Variants in SCOC observed in about 807,000 individuals in gnomAD.
SCOC encodes the protein short coiled coil protein.
A neutral mutation model predicts 9.9 loss-of-function variants in SCOC; 7 were observed. The observed-to-expected ratio is 0.71, with a 90% CI of 0.40 to 1.33. The LOEUF (loss-of-function observed/expected upper bound fraction) is 1.33, where lower values mean the gene tolerates loss of function less well. Among genes scored for constraint, SCOC ranks in the 40% most tolerant of loss-of-function variants. SCOC has a pLI of 0.01. For missense variants in SCOC, 66 were observed against 89.7 expected (o/e 0.74, Z 1.07); for synonymous variants, 19 against 28.2 (o/e 0.67, Z 1.03).
rs1445463128 is a variant in SCOC at position 140,383,967 on chromosome 4, T to C, written c.*2863T>C. 6.6e-6 allele frequency: 1 copy of C among 152,212 alleles called. No homozygotes were observed. Among genetic ancestry groups the C allele is most frequent in the African/African-American group, 2.4e-5 (1 of 41,450 alleles). The allele number at this position is 152,212 out of a possible 1,614,324, so 9.4% of individuals were successfully genotyped here. On this transcript the variant is annotated 3_prime_UTR_variant, in exon 4 of 4. Coordinates refer to ENST00000608372, the MANE Select transcript of SCOC (RefSeq NM_001153484.2). ...CACTGCAAAGCTGGGTTCCTTTGGC[T>C]TAACGATTGGTAGAGAAGTCTTCAT...
chr4:140,302,951 T>A (rs547934334), intron 1 of SCOC, among the ~76,000 whole-genome samples: 39 of 149,600 alleles, frequency 2.6e-4, no homozygotes, highest in African/African-American at 8.5e-4. Flanking sequence ...TTAGCTCAAT[T>A]TTATGTTTGA....
intron 1 of SCOC, among the ~76,000 whole-genome samples, chr4:140,333,122 T>C (rs1310096559): frequency 6.6e-6 from 1 of 152,192 alleles, no homozygotes; most frequent in African/African-American, 2.4e-5. Flanking sequence ...TCTTTGCACT[T>C]GCTGATCTTT....
chr4:140,306,180 G>T (rs1190843807), intron 1 of SCOC, among the ~76,000 whole-genome samples: 1 of 152,114 alleles, frequency 6.6e-6, no homozygotes, highest in Non-Finnish European at 1.5e-5. Flanking sequence ...TCATAGTCAC[G>T]TCTTTCATGG....
At chr4:140,315,985 G>A (rs548206506) in intron 1 of SCOC, among the ~76,000 whole-genome samples, 2 of 152,200 alleles carry the variant, frequency 1.3e-5, no homozygotes, top group Non-Finnish European at 2.9e-5. Flanking sequence ...CCATCACCAG[G>A]TCTCTAGCTG....
chr4:140,296,539 G>A (rs1731642068), intron 1 of SCOC, among the ~76,000 whole-genome samples: 2 of 152,176 alleles, frequency 1.3e-5, no homozygotes, highest in Admixed American at 1.3e-4. Context: ...CCTGAAAAGT[G>A]CAGTGGAAAA....
chr4:140,363,160 G>A (rs982772604), intron 2 of SCOC, among the ~76,000 whole-genome samples: 3 of 152,164 alleles, frequency 2.0e-5, no homozygotes, highest in African/African-American at 7.2e-5. Flanking sequence ...GGGACTTGGG[G>A]GACATAGGTA....
At chr4:140,356,394 C>A (rs893037750) in intron 2 of SCOC, among the ~76,000 whole-genome samples, 3 of 152,196 alleles carry the variant, frequency 2.0e-5, no homozygotes, top group African/African-American at 7.2e-5. Flanking sequence ...CCCTACATCA[C>A]TCTCACCCAA....
chr4:140,293,314 A>G (rs769597781), intron 1 of SCOC: 3 of 456,744 alleles, frequency 6.6e-6, no homozygotes, highest in South Asian at 4.6e-5. Context: ...CCAGTCGCAA[A>G]GGCTTATCTT....
intron 1 of SCOC, among the ~76,000 whole-genome samples, chr4:140,298,072 C>T (rs530667442): frequency 6.6e-6 from 1 of 152,238 alleles, no homozygotes; most frequent in African/African-American, 2.4e-5. Flanking sequence ...CATTTGGAGG[C>T]TTAGGCAGTG....
intron 2 of SCOC, among the ~76,000 whole-genome samples, chr4:140,355,113 G>T (rs1727151658): frequency 6.6e-6 from 1 of 151,240 alleles, no homozygotes; most frequent in South Asian, 2.1e-4. Flanking sequence ...CCCTTAATCT[G>T]GTGGTCACAA....
intron 1 of SCOC, chr4:140,293,316 G>T (rs1328101133): frequency 8.8e-6 from 4 of 456,630 alleles, no homozygotes; most frequent in African/African-American, 2.0e-5. Flanking sequence ...AGTCGCAAAG[G>T]CTTATCTTTA....
intron 3 of SCOC, among the ~76,000 whole-genome samples, chr4:140,380,222 G>T (rs1433096260): frequency 1.5e-5 from 2 of 133,662 alleles, no homozygotes; most frequent in African/African-American, 5.7e-5. Context: ...TTTTGAGATG[G>T]AGTTCACTCT....
chr4:140,351,268 A>G (rs1174983112), intron 2 of SCOC, among the ~76,000 whole-genome samples: 1 of 152,090 alleles, frequency 6.6e-6, no homozygotes, highest in East Asian at 1.9e-4. Context: ...TCCTGTGGAC[A>G]TGGCGCTGTA....
upstream of SCOC, among the ~76,000 whole-genome samples, chr4:140,340,783 C>CT (rs36136647): frequency 0.16 from 6,455 of 40,302 alleles, 1,105 homozygotes; most frequent in East Asian, 0.25. Flanking sequence ...TGCTGCCTAA[C>CT]TTTTTTTTTT....
rs532996864 is a variant in SCOC at position 140,383,402 on chromosome 4, C to A, written c.*2298C>A. ...TATTTGCTCTCACCCTTGCTGCTGC[C>A]CATTTATAATGTAGTTGGGACAGGA... On this transcript the variant is annotated 3_prime_UTR_variant, in exon 4 of 4. Coordinates refer to ENST00000608372, the MANE Select transcript of SCOC (RefSeq NM_001153484.2). The A allele has an allele frequency of 1.3e-5, 2 of 152,286 alleles. No individual in the cohort carries two copies. The highest frequency in any genetic ancestry group is 3.9e-4 in the East Asian group (2 of 5,188). 9.4% of individuals were successfully genotyped at this position (152,286 alleles called of 1,614,324 possible).
intron 1 of SCOC, chr4:140,343,486 T>G (rs1009987453): frequency 6.8e-6 from 4 of 589,700 alleles, no homozygotes; most frequent in African/African-American, 1.9e-5. Flanking sequence ...ACTTCTCAGG[T>G]GGAAAGCAGG....
At chr4:140,334,788 T>C (rs1250776289) in intron 1 of SCOC, among the ~76,000 whole-genome samples, 2 of 152,096 alleles carry the variant, frequency 1.3e-5, no homozygotes, top group African/African-American at 2.4e-5. Context: ...ACTCTCTGAT[T>C]CCATGAGTTT....
chr4:140,359,160 G>C (rs1727357414), intron 2 of SCOC, among the ~76,000 whole-genome samples: 1 of 152,184 alleles, frequency 6.6e-6, no homozygotes, highest in Admixed American at 6.5e-5. Context: ...GAAGGGCTTA[G>C]CTGAGCAGTT....
chr4:140,267,551 G>A (rs1730755177), intron 1 of SCOC, among the ~76,000 whole-genome samples: 1 of 152,092 alleles, frequency 6.6e-6, no homozygotes, highest in Non-Finnish European at 1.5e-5. Flanking sequence ...GATGATAGGA[G>A]GCGCTGACAG....
Sources: allele counts gnomAD v4.1 joint callset (sites outside exome capture counted in the v4.1 genomes callset), GRCh38; gene constraint gnomAD v4.1.1; transcripts MANE v1.5; gene names NCBI Gene and HGNC (gene_info 2026-07-23, HGNC 2026-07-21).